PRELID2: variants seen among roughly 807,000 people sequenced by gnomAD.
The protein encoded by PRELID2 is PRELI domain-containing protein 2.
In PRELID2, 25 loss-of-function variants were observed where a neutral mutation model predicts 28.4. The observed-to-expected ratio is 0.88, with a 90% CI of 0.64 to 1.23. The LOEUF is 1.23. PRELID2 is among the 50% of genes most tolerant of loss of function. The probability of loss-of-function intolerance (pLI) is 0.00; values close to 1 mark genes in which losing one functional copy is unlikely to be tolerated. For synonymous variants in PRELID2, 76 were observed against 71.6 expected, an observed-to-expected ratio of 1.06 and a Z score of -0.31; for missense variants, 201 against 214.4, an observed-to-expected ratio of 0.94 and a Z score of 0.39.
At chr5:145,533,955 T>C (rs1752675522) in intron 1 of PRELID2, among the ~76,000 whole-genome samples, 3 of 152,082 alleles carry the variant, frequency 2.0e-5, no homozygotes, top group African/African-American at 4.8e-5. Flanking sequence ...GGTAAACTTA[T>C]CAGCCACAGA....
chr5:145,387,573 G>GCCC, the PRELID2 span, among the ~76,000 whole-genome samples: 57 of 152,212 alleles, frequency 3.7e-4, no homozygotes, highest in East Asian at 0.011. Flanking sequence ...AAAAACTGAA[G>GCCC]TTGTTTTACT....
chr5:145,359,656 G>T, the PRELID2 span, among the ~76,000 whole-genome samples: 1 of 152,254 alleles, frequency 6.6e-6, no homozygotes, highest in Non-Finnish European at 1.5e-5. Context: ...AAGCTGGAAG[G>T]CTATGTACTG....
At chr5:145,253,388 C>T in the PRELID2 span, among the ~76,000 whole-genome samples, 3 of 152,146 alleles carry the variant, frequency 2.0e-5, no homozygotes, top group East Asian at 5.8e-4. Context: ...AGTATCAGAC[C>T]TATTTTATAG....
the PRELID2 span, among the ~76,000 whole-genome samples, chr5:145,300,756 T>C: frequency 6.8e-6 from 1 of 148,104 alleles, no homozygotes; most frequent in African/African-American, 2.5e-5. Flanking sequence ...CCACTAAGAA[T>C]ATTTACGTGT....
At chr5:145,551,258 G>C (rs552518901) in intron 1 of PRELID2, among the ~76,000 whole-genome samples, 36 of 151,894 alleles carry the variant, frequency 2.4e-4, no homozygotes, top group Non-Finnish European at 5.0e-4. Context: ...AAAATTAGCT[G>C]GGTGTGGTGG....
At chr5:145,803,217 C>A (rs950422531) in intron 4 of PRELID2, among the ~76,000 whole-genome samples, 31 of 152,184 alleles carry the variant, frequency 2.0e-4, no homozygotes, top group African/African-American at 7.2e-4. Flanking sequence ...GGCTCTGCTG[C>A]TGCTGCAGAG....
At chr5:145,829,466 G>A (rs1420361990) in intron 1 of PRELID2, among the ~76,000 whole-genome samples, 1 of 152,110 alleles carries the variant, frequency 6.6e-6, no homozygotes, top group Non-Finnish European at 1.5e-5. Context: ...CTTTAAAGGA[G>A]CCTGCTGTGT....
At chr5:145,823,196 A>G in intron 1 of PRELID2, 62 bp from the exon 2 acceptor site, 1 of 832,184 alleles carries the variant, frequency 1.2e-6, no homozygotes, top group Non-Finnish European at 2.1e-6. Flanking sequence ...ACTATTTAGA[A>G]GTAACCACAG....
the PRELID2 span, among the ~76,000 whole-genome samples, chr5:145,290,102 A>T: frequency 6.6e-6 from 1 of 152,192 alleles, no homozygotes; most frequent in Admixed American, 6.5e-5. Flanking sequence ...AGGGAACAAC[A>T]GGTGCTGGAG....
intron 4 of PRELID2, among the ~76,000 whole-genome samples, chr5:145,809,036 C>CTTTTTTTTTTTTTTTTTTTTTTTGT (rs372516210): frequency 1.9e-5 from 2 of 105,832 alleles, no homozygotes; most frequent in Non-Finnish European, 3.9e-5. Context: ...TTTTTTTTTG[C>CTTTTTTTTTTTTTTTTTTTTTTTGT]TTTTTTTTTT....
At chr5:145,436,518 A>G in the PRELID2 span, among the ~76,000 whole-genome samples, 1 of 152,142 alleles carries the variant, frequency 6.6e-6, no homozygotes, top group African/African-American at 2.4e-5. Flanking sequence ...GCTTTCCACA[A>G]TGGCTGGACT....
At chr5:145,335,207 T>C in the PRELID2 span, among the ~76,000 whole-genome samples, 4 of 152,050 alleles carry the variant, frequency 2.6e-5, no homozygotes, top group African/African-American at 4.8e-5. Context: ...TGACCTATTT[T>C]TGAGTTAACA....
chr5:145,765,669 AC>A (rs956997860), intron 5 of PRELID2, among the ~76,000 whole-genome samples: 1 of 152,182 alleles, frequency 6.6e-6, no homozygotes, highest in African/African-American at 2.4e-5. Flanking sequence ...GACCTTTGTT[AC>A]AAGTGCATTG....
the PRELID2 span, among the ~76,000 whole-genome samples, chr5:145,341,998 A>T: frequency 1.3e-5 from 2 of 152,202 alleles, no homozygotes; most frequent in Non-Finnish European, 2.9e-5. Flanking sequence ...TGAATCCTAA[A>T]AACAGCAAGA....
the PRELID2 span, among the ~76,000 whole-genome samples, chr5:145,365,532 T>C: frequency 1.3e-5 from 2 of 151,870 alleles, no homozygotes; most frequent in South Asian, 2.1e-4. Context: ...GAAGGGAAAA[T>C]TTAACCTAAT....
Position 145,796,458 on chromosome 5 carries a change from C to G in PRELID2, c.458G>C (p.Arg153Pro), listed in dbSNP as rs200961906. ...VLETFASTFL[R>P]QGAQKGIRIM... ...TATGGTTACCTTCTGGGCTCCCTGT[C>G]GTAAGAATGTGCTGGCAAAAGTTTC... The change falls in exon 5 of 7, where the codon CGA becomes CCA. Residue 153 changes from arginine (R) to proline (P), a missense_variant. Transcript: ENST00000683046. 1 of 1,608,704 alleles carries G rather than the reference C, an allele frequency of 6.2e-7. No individual in the cohort carries two copies. The highest frequency in any genetic ancestry group is 1.3e-5 in the African/African-American group (1 of 74,814).
At chr5:145,630,330 A>G (rs1184909242) in intron 1 of PRELID2, among the ~76,000 whole-genome samples, 1 of 152,124 alleles carries the variant, frequency 6.6e-6, no homozygotes, top group African/African-American at 2.4e-5. Context: ...TGGGAGAGGA[A>G]CTGGGTGACT....
chr5:145,413,538 G>A, the PRELID2 span, among the ~76,000 whole-genome samples: 1 of 151,414 alleles, frequency 6.6e-6, no homozygotes, highest in Admixed American at 6.6e-5. Context: ...CATGTTGATA[G>A]CAGCACAATT....
the PRELID2 span, among the ~76,000 whole-genome samples, chr5:145,239,581 G>A: frequency 6.6e-6 from 1 of 151,978 alleles, no homozygotes; most frequent in South Asian, 2.1e-4. Context: ...AATGTCTGTT[G>A]AATTGAATTA....
Sources: gnomAD v4.1 joint callset for allele counts (sites outside exome capture counted in the v4.1 genomes callset) on GRCh38, gnomAD v4.1.1 for gene constraint, MANE v1.5 for transcripts, NCBI Gene and HGNC (gene_info 2026-07-23, HGNC 2026-07-21) for gene names.